The following ALDH8A1 variants were observed in gnomAD, a reference collection of about 807,000 sequenced individuals.
ALDH8A1 encodes 2-aminomuconic semialdehyde dehydrogenase.
A neutral mutation model predicts 43.3 loss-of-function variants in ALDH8A1; 39 were observed. The ratio of observed to expected loss-of-function variants is 0.90; its 90% CI spans 0.70 to 1.18. ALDH8A1 has a LOEUF of 1.18. Among genes scored for constraint, ALDH8A1 ranks in the 50% most tolerant of loss-of-function variants. The pLI is 0.00. For missense variants in ALDH8A1, 605 were observed against 622.6 expected (o/e 0.97, Z 0.30); for synonymous variants, 233 against 243.5 (o/e 0.96, Z 0.40).
In ALDH8A1 at chr6:134,932,762, C is replaced by T; in HGVS notation, c.849+14G>A. 2 of 1,612,108 alleles carry T rather than the reference C, an allele frequency of 1.2e-6. No individual in the cohort carries two copies. Among genetic ancestry groups the T allele is most frequent in the African/African-American group, 1.3e-5 (1 of 75,030 alleles). ...GGCCATGGAGGGGAGGGAGAAGAAC[C>T]CCCGGGGACATACCTGGTTGGCAAA... On this transcript the variant is annotated intron_variant, in intron 5 of 6. Coordinates refer to ENST00000265605, the MANE Select transcript of ALDH8A1 (RefSeq NM_022568.4).
At position 134,918,645 on chromosome 6, in the gene ALDH8A1, C is replaced by T; in HGVS notation, c.1234G>A (p.Ala412Thr). 1 of 1,614,186 alleles carries T rather than the reference C, an allele frequency of 6.2e-7. No homozygotes were observed. The highest frequency in any genetic ancestry group is 1.6e-4 in the Middle Eastern group (1 of 6,062). The change falls in exon 7 of 7, where the codon GCC becomes ACC. Residue 412 changes from alanine to threonine, a missense_variant. Physicochemically the swap from Ala to Thr is moderately conservative, Grantham distance 58. Coordinates refer to ENST00000265605, the MANE Select transcript of ALDH8A1 (RefSeq NM_022568.4). The part of the protein sequence containing the change: ...FDSEEEVIER[A>T]NNVKYGLAAT... ...GCCAGCCCATACTTAACGTTGTTGG[C>T]TCTTTCAATCACCTCCTCTTCACTA...
chr6:134,932,926 C>A lies in ALDH8A1; in HGVS notation c.699G>T (p.Gln233His). 6.2e-7 allele frequency: 1 copy of A among 1,614,168 alleles called. No individual in the cohort carries two copies. The highest frequency in any genetic ancestry group is 1.1e-5 in the South Asian group (1 of 91,076). Reference sequence around the variant, plus strand: ...GCTGGGTGATCCGCTCAGCGGTGGGCTGGCTCCCGGTGAAGGAGATCAGGG... The same window carrying A: ...GCTGGGTGATCCGCTCAGCGGTGGGATGGCTCCCGGTGAAGGAGATCAGGG... The part of the protein sequence containing the change: ...EVPLISFTGS[Q>H]PTAERITQLS... The change falls in exon 5 of 7, where the codon CAG (glutamine) becomes CAT (histidine). Residue 233 changes from glutamine (Q) to histidine (H), a missense_variant. By Grantham distance (24) the Gln-to-His change is conservative. Transcript: ENST00000265605.
intron 6 of ALDH8A1, among the ~76,000 whole-genome samples, chr6:134,923,562 T>C (rs754959409): frequency 4.1e-4 from 62 of 152,278 alleles, no homozygotes; most frequent in Non-Finnish European, 6.3e-4. Context: ...ACAACTAACA[T>C]GTGAAACAGA....
chr6:134,950,017 A>T lies in ALDH8A1; in HGVS notation c.37T>A (p.Phe13Ile). The change falls in exon 1 of 7, where the codon TTC (phenylalanine) becomes ATC (isoleucine). Residue 13 changes from phenylalanine (F) to isoleucine (I), a missense_variant. Coordinates refer to ENST00000265605, the MANE Select transcript of ALDH8A1 (RefSeq NM_022568.4). ...GTNALLMLEN[F>I]IDGKFLPCSS... ...CAAGGTAAAAATTTTCCATCTATGA[A>T]GTTTTCCAGCATCAAAAGTGCGTTT... is the stretch of plus-strand genomic sequence containing the variant. 1 of 1,612,976 alleles carries T rather than the reference A, an allele frequency of 6.2e-7. No homozygotes were observed. The highest frequency in any genetic ancestry group is 8.5e-7 in the Non-Finnish European group (1 of 1,179,512).
chr6:134,919,357 A>G (rs1459711740), intron 6 of ALDH8A1, among the ~76,000 whole-genome samples: 2 of 152,204 alleles, frequency 1.3e-5, no homozygotes, highest in African/African-American at 4.8e-5. Flanking sequence ...GAAGAGAAAG[A>G]TGTGTAAGAT....
rs113629864 is a variant in ALDH8A1, at chr6:134,918,066, T to C, written c.*349A>G. ...GCATGAGGCACTGTGCCTGATTGCATATTTTTTAAAATTTACCAAATGAAA... is the reference window on the plus strand; with the variant it reads ...GCATGAGGCACTGTGCCTGATTGCACATTTTTTAAAATTTACCAAATGAAA... On this transcript the variant is annotated 3_prime_UTR_variant, in exon 7 of 7. Transcript: ENST00000265605. 1,761 of 269,806 alleles carry C rather than the reference T, an allele frequency of 6.5e-3. 26 individuals are homozygous for C. Among genetic ancestry groups the C allele is most frequent in the African/African-American group, 0.035 (1,564 of 45,092 alleles). 16.7% of individuals were successfully genotyped at this position (269,806 alleles called of 1,614,324 possible).
chr6:134,920,422 G>A (rs1308902741), intron 6 of ALDH8A1, among the ~76,000 whole-genome samples: 5 of 152,166 alleles, frequency 3.3e-5, no homozygotes, highest in African/African-American at 4.8e-5. Context: ...AAAGGTGAGT[G>A]TCCTGTGTGA....
chr6:134,930,695 C>T (rs1380028144), intron 5 of ALDH8A1, among the ~76,000 whole-genome samples: 2 of 152,176 alleles, frequency 1.3e-5, no homozygotes, highest in Non-Finnish European at 2.9e-5. Context: ...GTTTCATTTG[C>T]GCAAGCGCCC....
At chr6:134,940,175 G>T (rs543911359) in intron 3 of ALDH8A1, 4 of 360,570 alleles carry the variant, frequency 1.1e-5, no homozygotes, top group Non-Finnish European at 2.2e-5. Flanking sequence ...CATGGCACAC[G>T]TTTACCTATG....
intron 4 of ALDH8A1, among the ~76,000 whole-genome samples, chr6:134,937,482 T>C (rs943688314): frequency 6.6e-6 from 1 of 152,204 alleles, no homozygotes; most frequent in African/African-American, 2.4e-5. Flanking sequence ...TGTCTTAGTT[T>C]AATGGGCTTA....
chr6:134,918,517 G>GT lies in ALDH8A1; in HGVS notation c.1361dup (p.Asn454LysfsTer14). The GT allele has an allele frequency of 6.2e-7, 1 of 1,614,166 alleles. No homozygotes were observed. ...AACTCTTCATCCCCCCGAAAGGAAG[G>GT]TTCAGCTCCCTGATGAGCCAGCAGT... On this transcript the variant is annotated frameshift_variant, in exon 7 of 7. Coordinates refer to ENST00000265605, the MANE Select transcript of ALDH8A1 (RefSeq NM_022568.4). LOFTEE classifies it high-confidence loss of function.
At chr6:134,948,451 G>T (rs1198430222) in intron 1 of ALDH8A1, among the ~76,000 whole-genome samples, 3 of 152,102 alleles carry the variant, frequency 2.0e-5, no homozygotes, top group Non-Finnish European at 2.9e-5. Context: ...ATTTGATCAT[G>T]ACACATTGTA....
In ALDH8A1 at chr6:134,921,636, C is replaced by T. The variant is rs544257103; in HGVS notation, c.1012-2769G>A. Among the ~76,000 whole-genome samples, 13 of 152,334 alleles carry T rather than the reference C, an allele frequency of 8.5e-5. No homozygotes were observed. The East Asian group carries it at 1.7e-3, about 20-fold the overall frequency. ...AATTGGATTATTTCACCAAAGGCAT[C>T]GCCACCTATTGTGGCAATCATGCAG... On this transcript the variant is annotated intron_variant, in intron 6 of 6. Transcript: ENST00000265605.
At chr6:134,946,320 G>A (rs1773948609) in intron 1 of ALDH8A1, among the ~76,000 whole-genome samples, 1 of 152,190 alleles carries the variant, frequency 6.6e-6, no homozygotes, top group Non-Finnish European at 1.5e-5. Flanking sequence ...CTGCAGCCAT[G>A]AGGAAGCCCC....
intron 4 of ALDH8A1, 121 bp from the exon 5 acceptor site, chr6:134,933,153 C>A: frequency 8.2e-7 from 1 of 1,212,740 alleles, no homozygotes; most frequent in Non-Finnish European, 1.1e-6. Context: ...GGAGGAAGCA[C>A]TTGGGTTTTA....
In ALDH8A1 at chr6:134,917,742, A is replaced by T. The variant is rs1776727308; in HGVS notation, c.*673T>A. ...ATAATCTCTCCAAAGATGGCAAATT[A>T]TGGCTATTTATTTTTGGTTTTGCAG... On this transcript the variant is annotated 3_prime_UTR_variant, in exon 7 of 7. Coordinates refer to ENST00000265605, the MANE Select transcript of ALDH8A1 (RefSeq NM_022568.4). 1 of 152,004 alleles carries T rather than the reference A, an allele frequency of 6.6e-6. No individual in the cohort carries two copies. The highest frequency in any genetic ancestry group is 2.1e-4 in the South Asian group (1 of 4,822). 9.4% of individuals were successfully genotyped at this position (152,004 alleles called of 1,614,324 possible).
intron 6 of ALDH8A1, among the ~76,000 whole-genome samples, chr6:134,923,636 A>G (rs1027249091): frequency 6.6e-6 from 1 of 152,228 alleles, no homozygotes; most frequent in African/African-American, 2.4e-5. Context: ...AGATACGTCC[A>G]GGAGAAGCTG....
chr6:134,939,774 G>A (rs1038739237), intron 3 of ALDH8A1, among the ~76,000 whole-genome samples: 1 of 152,120 alleles, frequency 6.6e-6, no homozygotes, highest in African/African-American at 2.4e-5. Flanking sequence ...TATGTTCATT[G>A]CAGCACTTTG....
intron 4 of ALDH8A1, among the ~76,000 whole-genome samples, chr6:134,938,290 G>A (rs1442884756): frequency 6.6e-6 from 1 of 152,218 alleles, no homozygotes; most frequent in East Asian, 1.9e-4. Flanking sequence ...GGCTGCTGGG[G>A]TCTCCTGCCT....
Sources: allele counts gnomAD v4.1 joint callset (sites outside exome capture counted in the v4.1 genomes callset), GRCh38; gene constraint gnomAD v4.1.1; transcripts MANE v1.5; gene names NCBI Gene and HGNC (gene_info 2026-07-23, HGNC 2026-07-21).